GDA: variants seen among roughly 807,000 people sequenced by gnomAD.
The protein encoded by GDA is guanine deaminase, also known as cytoplasmic PSD-95 interactor.
GDA carries 18 observed loss-of-function variants against 59.6 expected under a neutral mutation model. The observed-to-expected ratio is 0.30, with a 90% CI of 0.21 to 0.45. The LOEUF (loss-of-function observed/expected upper bound fraction) is 0.45. Ranked by LOEUF, GDA falls within the 20% of genes least tolerant of loss-of-function variation. The pLI is 1.00. For synonymous variants in GDA, 201 were observed against 201.1 expected, an observed-to-expected ratio of 1.00 and a Z score of 0.00; for missense variants, 427 against 552.3, an observed-to-expected ratio of 0.77 and a Z score of 2.27.
intron 1 of GDA, among the ~76,000 whole-genome samples, chr9:72,153,175 G>C (rs999250166): frequency 2.8e-4 from 42 of 152,158 alleles, no homozygotes; most frequent in African/African-American, 9.6e-4. Flanking sequence ...CCAGTACCAT[G>C]CTGTTTTGGT....
chr9:72,233,908 C>T (rs1838659987), intron 10 of GDA, among the ~76,000 whole-genome samples: 1 of 152,102 alleles, frequency 6.6e-6, no homozygotes, highest in Admixed American at 6.5e-5. Context: ...TGCCACTGCA[C>T]TCCAGTCTGG....
chr9:72,166,603 T>C (rs1829344956), intron 1 of GDA, among the ~76,000 whole-genome samples: 3 of 152,176 alleles, frequency 2.0e-5, no homozygotes, highest in Non-Finnish European at 2.9e-5. Flanking sequence ...TCATTACATA[T>C]TCTATGCATG....
intron 1 of GDA, among the ~76,000 whole-genome samples, chr9:72,137,771 A>AC (rs113933193): frequency 0.12 from 18,559 of 150,766 alleles, 2,368 homozygotes; most frequent in African/African-American, 0.33. Context: ...GTCATAACCC[A>AC]CCCCCCCACC....
intron 2 of GDA, chr9:72,197,641 G>C (rs969403430): frequency 1.3e-5 from 2 of 152,158 alleles, no homozygotes; most frequent in South Asian, 4.1e-4. Context: ...TCTGGGGGTC[G>C]TATGTAAGTA....
At chr9:72,163,796 A>G (rs913009024) in intron 1 of GDA, among the ~76,000 whole-genome samples, 1 of 152,092 alleles carries the variant, frequency 6.6e-6, no homozygotes, top group Non-Finnish European at 1.5e-5. Context: ...CCGGCCAACT[A>G]TTCTTAAAGT....
At chr9:72,150,832 T>A (rs567988463) in intron 1 of GDA, among the ~76,000 whole-genome samples, 9 of 152,300 alleles carry the variant, frequency 5.9e-5, no homozygotes, top group Non-Finnish European at 8.8e-5. Context: ...TCCAAGGTGA[T>A]AAAACTCTCA....
chr9:72,205,822 C>T (rs1242708734), intron 3 of GDA, among the ~76,000 whole-genome samples: 1 of 152,218 alleles, frequency 6.6e-6, no homozygotes, highest in Admixed American at 6.5e-5. Flanking sequence ...CTTGCTTTAA[C>T]ACAGTCCAAT....
chr9:72,148,286 G>A (rs1274293538), upstream of GDA, among the ~76,000 whole-genome samples: 1 of 149,604 alleles, frequency 6.7e-6, no homozygotes, highest in Non-Finnish European at 1.5e-5. Context: ...TGCTCCTGTG[G>A]TGCTTCTGTT....
intron 1 of GDA, among the ~76,000 whole-genome samples, chr9:72,184,436 T>C (rs182924128): frequency 4.7e-4 from 71 of 152,356 alleles, no homozygotes; most frequent in Non-Finnish European, 8.5e-4. Context: ...CAGAATGTCA[T>C]ATAGTTGGGA....
intron 2 of GDA, among the ~76,000 whole-genome samples, 194 bp downstream of exon 2, chr9:72,195,782 C>G (rs144633406): frequency 1.4e-3 from 219 of 152,250 alleles, no homozygotes; most frequent in African/African-American, 5.1e-3. Context: ...ACTTAGAGAG[C>G]TAGAGGCTGC....
At chr9:72,159,354 A>G (rs1159077329) in intron 1 of GDA, among the ~76,000 whole-genome samples, 1 of 152,170 alleles carries the variant, frequency 6.6e-6, no homozygotes, top group Non-Finnish European at 1.5e-5. Context: ...AAATTGTGCC[A>G]CTGCACTCCA....
rs1825422373 is a variant in GDA, at chr9:72,115,940, CAAT to C, written c.-100+1110_-100+1112del. Among the ~76,000 whole-genome samples the C allele has an allele frequency of 2.0e-5, 3 of 152,132 alleles. No individual in the cohort carries two copies. The South Asian group carries it at 6.2e-4, about 32-fold the overall frequency. ...TTACCTACAACATAATAGTAAGAGACAATAACTATTGGGCTGGGTGTGGTGGCT... is the reference window on the plus strand; with the variant it reads ...TTACCTACAACATAATAGTAAGAGACAACTATTGGGCTGGGTGTGGTGGCT... On this transcript the variant is annotated intron_variant, in intron 1 of 13. Coordinates refer to the GDA transcript ENST00000545168.
chr9:72,228,873 G>A (rs1414749241), intron 9 of GDA: 1 of 152,062 alleles, frequency 6.6e-6, no homozygotes, highest in East Asian at 1.9e-4. Context: ...GGGTGACAGA[G>A]TGAGACTCTG....
At chr9:72,210,625 T>G (rs1835235471) in intron 3 of GDA, 62 bp from the exon 4 acceptor site, 1 of 884,764 alleles carries the variant, frequency 1.1e-6, no homozygotes, top group East Asian at 2.4e-5. Context: ...TGTTTTCCTC[T>G]GGATGTACCA....
Position 72,213,954 on chromosome 9 carries a change from A to C in GDA, c.541A>C (p.Lys181Gln), listed in dbSNP as rs1449645806. 1.2e-6 allele frequency: 2 copies of C among 1,609,876 alleles called. No individual in the cohort carries two copies. The highest frequency in any genetic ancestry group is 2.2e-5 in the East Asian group (1 of 44,856). The change falls in exon 5 of 14, where the codon AAG (lysine) becomes CAG (glutamine). Residue 181 changes from lysine (K) to glutamine (Q), a missense_variant. Transcript: ENST00000358399. ...MDLNDTFPEYKETTEESIKET... is the reference protein window; with the variant it reads ...MDLNDTFPEYQETTEESIKET... ...TTTGAATGACACTTTTCCAGAATAC[A>C]AGGAGACCACTGAGGAATCGATCAA...
intron 11 of GDA, among the ~76,000 whole-genome samples, chr9:72,242,201 A>G (rs76325059): frequency 5.3e-5 from 8 of 152,162 alleles, no homozygotes; most frequent in East Asian, 3.9e-4. Context: ...CCCTTCCACT[A>G]CAGTATCTTC....
intron 6 of GDA, 115 bp from the exon 7 acceptor site, chr9:72,223,005 G>T (rs1837095920): frequency 1.7e-6 from 1 of 595,998 alleles, no homozygotes; most frequent in African/African-American, 1.9e-5. Context: ...ACCACACCTG[G>T]CCCTTCCAGG....
intron 4 of GDA, among the ~76,000 whole-genome samples, chr9:72,213,207 G>A (rs1473947313): frequency 2.0e-5 from 3 of 152,132 alleles, no homozygotes; most frequent in Non-Finnish European, 4.4e-5. Flanking sequence ...GTTGGAGGTT[G>A]CAGTGAGCCC....
rs189784549 is a variant in GDA at position 72,246,500 on chromosome 9, C to T, written c.1267-906C>T. Among the ~76,000 whole-genome samples, 289 of 152,204 alleles carry T rather than the reference C, an allele frequency of 1.9e-3. 3 individuals carry two copies. Among genetic ancestry groups the T allele is most frequent in the Middle Eastern group, 0.014 (4 of 294 alleles). ...GGTGCCTTCATAAGGAAGTGAAGAACCCAAGAAACAGGTAAACTTGGATAT... is the reference window on the plus strand; with the variant it reads ...GGTGCCTTCATAAGGAAGTGAAGAATCCAAGAAACAGGTAAACTTGGATAT... On this transcript the variant is annotated intron_variant, in intron 12 of 13. Transcript: ENST00000358399.
Sources: gnomAD v4.1 joint callset for allele counts (sites outside exome capture counted in the v4.1 genomes callset) on GRCh38, gnomAD v4.1.1 for gene constraint, MANE v1.5 for transcripts, NCBI Gene and HGNC (gene_info 2026-07-23, HGNC 2026-07-21) for gene names.